The following GBA2 variants were observed in gnomAD, a reference collection of about 807,000 sequenced individuals.
GBA2 encodes non-lysosomal glucosylceramidase.
A neutral mutation model predicts 112.9 loss-of-function variants in GBA2; 79 were observed. That is an observed-to-expected ratio of 0.70 (90% CI 0.58 to 0.84). The LOEUF (loss-of-function observed/expected upper bound fraction) is 0.84, where lower values mean the gene tolerates loss of function less well. GBA2 is among the 40% of genes least tolerant of loss of function. GBA2 has a pLI of 0.00. For synonymous variants in GBA2, 403 were observed against 434.3 expected (o/e 0.93, Z 0.90); for missense variants, 1,043 against 1,190.0 (o/e 0.88, Z 1.82).
Position 35,737,904 on chromosome 9 carries a change from T to C in GBA2, c.2349A>G (p.Gln783=), listed in dbSNP as rs2131942120. The change falls in exon 16 of 17, where the codon CAA becomes CAG. Residue 783 remains glutamine, a synonymous_variant. Transcript: ENST00000378103. The surrounding 1 kb of genome is among the most constrained non-coding windows in gnomAD (Gnocchi z 4.1). The part of the protein sequence containing the change: ...FPTQHVVRAL[Q]TIFELNVQAF... Reference sequence around the variant, plus strand: ...CCTGGACGTTCAGCTCAAAGATAGTTTGGAGAGCACGGACCACATGTTGGG... The same window carrying C: ...CCTGGACGTTCAGCTCAAAGATAGTCTGGAGAGCACGGACCACATGTTGGG... 1 of 1,613,034 alleles carries C rather than the reference T, an allele frequency of 6.2e-7. No homozygotes were observed. Among genetic ancestry groups the C allele is most frequent in the South Asian group, 1.1e-5 (1 of 91,066 alleles).
At position 35,741,706 on chromosome 9, in the gene GBA2, C is replaced by A; in HGVS notation, c.752G>T (p.Arg251Leu). ...LPGQNVTLTC[R>L]QITPILPHDY... is the part of the protein sequence containing the mutation. Reference sequence around the variant, plus strand: ...ATGGGGCAAGATGGGTGTGATCTGACGGCAGGTGAGGGTGACATTCTGGCC... The same window carrying A: ...ATGGGGCAAGATGGGTGTGATCTGAAGGCAGGTGAGGGTGACATTCTGGCC... The change falls in exon 4 of 17, where the codon CGT (arginine) becomes CTT (leucine). Residue 251 changes from arginine (R) to leucine (L), a missense_variant. Transcript: ENST00000378103. The surrounding 1 kb of genome is among the most constrained non-coding windows in gnomAD (Gnocchi z 4.6). 6.2e-7 allele frequency: 1 copy of A among 1,613,228 alleles called. No individual in the cohort carries two copies. The highest frequency in any genetic ancestry group is 1.1e-5 in the South Asian group (1 of 91,066).
At chr9:35,748,266 G>A (rs536058184) in intron 1 of GBA2, 80 bp downstream of exon 1, 121 of 866,134 alleles carry the variant, frequency 1.4e-4, no homozygotes, top group Non-Finnish European at 2.2e-4. Flanking sequence ...CTGCTTTCTT[G>A]CCCTTTCCCA....
chr9:35,739,928 A>G lies in GBA2; in HGVS notation c.1409+70T>C. On this transcript the variant is annotated intron_variant, in intron 8 of 16. Transcript: ENST00000378103. ...CAAGTCTACTGACTTTGGTGGGTGG[A>G]GAGTAAATCGAGGAGTCCCATTTGG... The G allele has an allele frequency of 1.9e-6, 3 of 1,584,318 alleles. No homozygotes were observed. In the Admixed American group the frequency reaches 5.1e-5, roughly 27 times the overall value.
At position 35,741,547 on chromosome 9, in the gene GBA2, C is replaced by T. The variant is rs980019777; in HGVS notation, c.786+125G>A. 1.1e-5 allele frequency: 8 copies of T among 745,650 alleles called. No individual in the cohort carries two copies. Among genetic ancestry groups the T allele is most frequent in the Non-Finnish European group, 1.7e-5 (7 of 403,806 alleles). 46.2% of individuals were successfully genotyped at this position (745,650 alleles called of 1,614,324 possible). On this transcript the variant is annotated intron_variant, in intron 4 of 16. Coordinates refer to ENST00000378103, the MANE Select transcript of GBA2 (RefSeq NM_020944.3). The surrounding 1 kb of genome is among the most constrained non-coding windows in gnomAD (Gnocchi z 4.6). ...TCTCCTGATCTCATGATCCGCCTGC[C>T]TTGGCCTCCCAAAGTGTTGGGATTA...
At position 35,741,072 on chromosome 9, in the gene GBA2, C is replaced by T; in HGVS notation, c.787-8G>A. The T allele has an allele frequency of 1.2e-6, 2 of 1,613,900 alleles. No individual in the cohort carries two copies. ...TACAGGCAGGCTGCTGTCCTGGGGG[C>T]AGAAGATTAGACTCAGACGGTCCCA... On this transcript the variant is annotated splice_region_variant and splice_polypyrimidine_tract_variant and intron_variant, in intron 4 of 16. Coordinates refer to ENST00000378103, the MANE Select transcript of GBA2 (RefSeq NM_020944.3). The surrounding 1 kb of genome is among the most constrained non-coding windows in gnomAD (Gnocchi z 4.6).
At chr9:35,745,913 T>G (rs1253822108) in intron 1 of GBA2, among the ~76,000 whole-genome samples, 6 of 152,218 alleles carry the variant, frequency 3.9e-5, no homozygotes, top group Admixed American at 3.9e-4. Flanking sequence ...AGTCCCAGTT[T>G]CCTCATCTAC....
chr9:35,742,563 A>G (rs913447208), intron 3 of GBA2, among the ~76,000 whole-genome samples: 1 of 152,046 alleles, frequency 6.6e-6, no homozygotes, highest in African/African-American at 2.4e-5. Flanking sequence ...GTATTGACTG[A>G]CCATTCTGTG....
chr9:35,748,571 C>CAA lies in GBA2; in HGVS notation c.133_134insTT (p.Cys45PhefsTer25), dbSNP rs745664461. The CAA allele has an allele frequency of 6.2e-7, 1 of 1,613,980 alleles. No homozygotes were observed. On this transcript the variant is annotated frameshift_variant, in exon 1 of 17. Coordinates refer to ENST00000378103, the MANE Select transcript of GBA2 (RefSeq NM_020944.3). LOFTEE classifies it high-confidence loss of function. ...GGGTCGGCTGTCTTCGGGACTCTTA[C>CAA]AGTCTGTAACCTGCACATCCTTGGT...
In GBA2 at chr9:35,749,184, G is replaced by A; in HGVS notation, c.-480C>T. ...CCCGCGCCCAGGTGCCAGCCCGTGG[G>A]AAGGTGACCCTGGGCGCCGGGATGA... On this transcript the variant is annotated 5_prime_UTR_variant, in exon 1 of 17. Coordinates refer to ENST00000378103, the MANE Select transcript of GBA2 (RefSeq NM_020944.3). This position sits in a 1 kb window ranked among gnomAD's most constrained non-coding sequence, Gnocchi z 4.4. The A allele has an allele frequency of 2.9e-6, 1 of 350,556 alleles. No individual in the cohort carries two copies. The highest frequency in any genetic ancestry group is 5.6e-6 in the Non-Finnish European group (1 of 179,236). The allele number at this position is 350,556 out of a possible 1,614,324, so 21.7% of individuals were successfully genotyped here.
Position 35,748,791 on chromosome 9 carries a change from A to C in GBA2, c.-87T>G. On this transcript the variant is annotated 5_prime_UTR_variant, in exon 1 of 17. Coordinates refer to ENST00000378103, the MANE Select transcript of GBA2 (RefSeq NM_020944.3). Reference sequence around the variant, plus strand: ...ATGCGGGCGCCGGTCGTTGTTAGGTATCGTCCCGGAGGGCCGGGCGTTGGG... The same window carrying C: ...ATGCGGGCGCCGGTCGTTGTTAGGTCTCGTCCCGGAGGGCCGGGCGTTGGG... The C allele has an allele frequency of 1.2e-6, 1 of 813,032 alleles. No homozygotes were observed. The allele number at this position is 813,032 out of a possible 1,614,324, so 50.4% of individuals were successfully genotyped here.
rs888948165 is a variant in GBA2 at position 35,740,018 on chromosome 9, C to T, written c.1389G>A (p.Gln463=). Residue 463 remains glutamine, a synonymous_variant, in exon 8 of 17, where the codon CAG becomes CAA. Coordinates refer to ENST00000378103, the MANE Select transcript of GBA2 (RefSeq NM_020944.3). This position sits in a 1 kb window ranked among gnomAD's most constrained non-coding sequence, Gnocchi z 4.7. ...GGCACCTGTCATCCAATACCGGGCT[C>T]TGCCAAGCTGAGATCCTCTCTTCCC... The part of the protein sequence containing the change: ...AEWEERISAW[Q]SPVLDDRSLP... 1.2e-6 allele frequency: 2 copies of T among 1,614,016 alleles called. No individual in the cohort carries two copies. Among genetic ancestry groups the T allele is most frequent in the Non-Finnish European group, 1.7e-6 (2 of 1,180,000 alleles).
rs111718790 is a variant in GBA2 at position 35,743,810 on chromosome 9, C to T, written c.567+487G>A. On this transcript the variant is annotated intron_variant, in intron 3 of 16. Transcript: ENST00000378103. ...TGGGAGAGAAGGAGCTTTTTAGACC[C>T]TAAGCCAGGAGACCTCCAGGGGAGT... 7.8e-3 allele frequency among the ~76,000 whole-genome samples: 1,183 copies of T among 152,296 alleles called. 20 individuals carry two copies. Among genetic ancestry groups the T allele is most frequent in the African/African-American group, 0.026 (1,095 of 41,570 alleles).
chr9:35,737,526 T>A lies in GBA2; in HGVS notation c.2506-79A>T, dbSNP rs775048214. 2 of 1,566,974 alleles carry A rather than the reference T, an allele frequency of 1.3e-6. No homozygotes were observed. The highest frequency in any genetic ancestry group is 2.3e-5 in the South Asian group (2 of 86,370). ...ACTTCCACTGGATAGATGGAGGCAGTAGAGTCTTTGCCTTCAAGGAGCTCC... is the reference window on the plus strand; with the variant it reads ...ACTTCCACTGGATAGATGGAGGCAGAAGAGTCTTTGCCTTCAAGGAGCTCC... On this transcript the variant is annotated intron_variant, in intron 16 of 16. Coordinates refer to ENST00000378103, the MANE Select transcript of GBA2 (RefSeq NM_020944.3). This position sits in a 1 kb window ranked among gnomAD's most constrained non-coding sequence, Gnocchi z 4.1.
Position 35,736,880 on chromosome 9 carries a change from T to G in GBA2, c.*289A>C. On this transcript the variant is annotated 3_prime_UTR_variant, in exon 17 of 17. Coordinates refer to ENST00000378103, the MANE Select transcript of GBA2 (RefSeq NM_020944.3). ...ACCACACTTAATGGCTTTCTGGGTC[T>G]TTTATTTGTACCCATGTGTCTGTCA... The G allele has an allele frequency of 2.6e-6, 2 of 779,014 alleles. No individual in the cohort carries two copies. Among genetic ancestry groups the G allele is most frequent in the Non-Finnish European group, 4.0e-6 (2 of 493,984 alleles). The allele number at this position is 779,014 out of a possible 1,614,324, so 48.3% of individuals were successfully genotyped here. A position where few individuals can be genotyped will look rare whatever the true frequency, so the allele number is the denominator to read the frequency against.
rs143456960 is a variant in GBA2, at chr9:35,737,209, A to G, written c.2744T>C (p.Phe915Ser). ...QGTGLRTGPM[F>S]GPKEAMANLS... ...GTTTGCCATGGCTTCCTTTGGTCCA[A>G]ACATAGGCCCTGTCCTTAGTCCTGT... Residue 915 changes from phenylalanine to serine, a missense_variant, in exon 17 of 17, where the codon TTT (phenylalanine) becomes TCT (serine). By Grantham distance (155) the Phe-to-Ser change is radical. Transcript: ENST00000378103. This position sits in a 1 kb window ranked among gnomAD's most constrained non-coding sequence, Gnocchi z 4.1. 133 of 1,611,566 alleles carry G rather than the reference A, an allele frequency of 8.3e-5. No homozygotes were observed. The highest frequency in any genetic ancestry group is 1.2e-5 in the Non-Finnish European group (14 of 1,179,954).
In GBA2 at chr9:35,741,031, C is replaced by T. The variant is rs766099304; in HGVS notation, c.820G>A (p.Asp274Asn). The T allele has an allele frequency of 1.9e-6, 3 of 1,614,128 alleles. No homozygotes were observed. The highest frequency in any genetic ancestry group is 2.5e-6 in the Non-Finnish European group (3 of 1,179,968). Residue 274 changes from aspartate to asparagine, a missense_variant, in exon 5 of 17, where the codon GAT becomes AAT. Transcript: ENST00000378103. This position sits in a 1 kb window ranked among gnomAD's most constrained non-coding sequence, Gnocchi z 4.6. The part of the protein sequence containing the change: ...SSLPVGVFVW[D>N]VENEGDEALD... ...GCTTCGTCCCCTTCATTTTCCACATCCCACACAAAGACTCCTACAGGCAGG... is the reference window on the plus strand; with the variant it reads ...GCTTCGTCCCCTTCATTTTCCACATTCCACACAAAGACTCCTACAGGCAGG...
In GBA2 at chr9:35,748,625, T is replaced by G; in HGVS notation, c.80A>C (p.Gln27Pro). 1.2e-6 allele frequency: 2 copies of G among 1,613,538 alleles called. No homozygotes were observed. The highest frequency in any genetic ancestry group is 1.7e-6 in the Non-Finnish European group (2 of 1,179,572). Residue 27 changes from glutamine (Q) to proline (P), a missense_variant, in exon 1 of 17, where the codon CAA becomes CCA. Gln to Pro is a moderately conservative substitution (Grantham distance 76). Transcript: ENST00000378103. The part of the protein sequence containing the change: ...EQISCAKEDP[Q>P]VYCPEETGGT... ...GCCAGTCTCTTCAGGGCAATAAACT[T>G]GTGGATCCTCTTTGGCACAGCTTAT...
In GBA2 at chr9:35,738,018, G is replaced by T; in HGVS notation, c.2313+19C>A. The T allele has an allele frequency of 1.9e-6, 3 of 1,592,696 alleles. No individual in the cohort carries two copies. The highest frequency in any genetic ancestry group is 1.7e-5 in the Admixed American group (1 of 57,690). ...GGAAAACCCATTTTTCTCTCTGGCT[G>T]CTCCTCCTCCTCTCTCACCTCAGTG... On this transcript the variant is annotated intron_variant, in intron 15 of 16. Coordinates refer to ENST00000378103, the MANE Select transcript of GBA2 (RefSeq NM_020944.3).
chr9:35,744,761 G>A, intron 1 of GBA2, 55 bp from the exon 2 acceptor site: 1 of 923,084 alleles, frequency 1.1e-6, no homozygotes, highest in Non-Finnish European at 1.8e-6. Flanking sequence ...GCTGTTCACA[G>A]GCTGAGTCAC....
Sources: allele counts gnomAD v4.1 joint callset (sites outside exome capture counted in the v4.1 genomes callset), GRCh38; gene constraint gnomAD v4.1.1; non-coding constraint Gnocchi (gnomAD v3.1); transcripts MANE v1.5; gene names NCBI Gene and HGNC (gene_info 2026-07-23, HGNC 2026-07-21).